Variants in DNM3 observed in about 807,000 individuals in gnomAD.
DNM3 encodes dynamin 3.
Under a neutral mutation model 101.6 loss-of-function variants are expected in DNM3, and 47 were observed. That is an observed-to-expected ratio of 0.46 (90% CI 0.37 to 0.59). The LOEUF is 0.59. Ranked by LOEUF, DNM3 falls within the 20% of genes least tolerant of loss-of-function variation. DNM3 has a pLI of 0.00. For missense variants in DNM3, 849 were observed against 1,085.7 expected (o/e 0.78, Z 3.06); for synonymous variants, 385 against 387.9 (o/e 0.99, Z 0.09).
chr1:172,149,258 A>T (rs1022610918), intron 14 of DNM3, among the ~76,000 whole-genome samples: 3 of 152,186 alleles, frequency 2.0e-5, no homozygotes, highest in Non-Finnish European at 4.4e-5. Context: ...CCTCAAATCA[A>T]TTGAGAAAGA....
chr1:171,881,937 A>C (rs1178498118), intron 1 of DNM3, among the ~76,000 whole-genome samples: 2 of 152,196 alleles, frequency 1.3e-5, no homozygotes, highest in Non-Finnish European at 2.9e-5. Flanking sequence ...AAAATAGTAC[A>C]TTTACAATAA....
intron 14 of DNM3, among the ~76,000 whole-genome samples, chr1:172,156,027 C>T (rs569354681): frequency 1.3e-5 from 2 of 152,104 alleles, no homozygotes; most frequent in East Asian, 3.9e-4. Context: ...TCATTTGTGG[C>T]TTTTTTCATC....
At chr1:172,021,232 A>G (rs1368908348) in intron 4 of DNM3, among the ~76,000 whole-genome samples, 2 of 152,222 alleles carry the variant, frequency 1.3e-5, no homozygotes, top group African/African-American at 2.4e-5. Context: ...ATACTTTGGG[A>G]GGCCAAGGCA....
intron 17 of DNM3, among the ~76,000 whole-genome samples, chr1:172,346,095 C>T (rs2066919226): frequency 7.1e-6 from 1 of 140,352 alleles, no homozygotes; most frequent in Non-Finnish European, 1.5e-5. Context: ...TGCATTCCAG[C>T]CTGGGCGACA....
At chr1:172,053,924 C>T (rs2050386109) in intron 10 of DNM3, among the ~76,000 whole-genome samples, 1 of 152,040 alleles carries the variant, frequency 6.6e-6, no homozygotes. Flanking sequence ...TGAACATGAG[C>T]CATAGATAAG....
At chr1:171,954,617 G>A (rs535552296) in intron 2 of DNM3, among the ~76,000 whole-genome samples, 47 of 152,308 alleles carry the variant, frequency 3.1e-4, no homozygotes, top group African/African-American at 1.1e-3. Context: ...CCCTCTGTGG[G>A]CAGCGGCGTT....
At chr1:172,052,786 C>T (rs898989565) in intron 10 of DNM3, among the ~76,000 whole-genome samples, 2 of 152,150 alleles carry the variant, frequency 1.3e-5, no homozygotes, top group South Asian at 4.1e-4. Context: ...GTTTTATTCT[C>T]TTCTTACTAT....
chr1:171,849,185 A>T (rs1185493263), intron 1 of DNM3, among the ~76,000 whole-genome samples: 1 of 152,212 alleles, frequency 6.6e-6, no homozygotes, highest in African/African-American at 2.4e-5. Context: ...AGATTTCTCA[A>T]AAGTGAGTAT....
intron 20 of DNM3, among the ~76,000 whole-genome samples, chr1:172,395,231 C>A (rs1055611909): frequency 6.7e-6 from 1 of 148,412 alleles, no homozygotes; most frequent in East Asian, 2.0e-4. Context: ...AGTGCAGTGG[C>A]GTGGTCTCGG....
At chr1:171,977,163 A>C (rs557534069) in intron 2 of DNM3, among the ~76,000 whole-genome samples, 1 of 152,226 alleles carries the variant, frequency 6.6e-6, no homozygotes, top group Admixed American at 6.5e-5. Flanking sequence ...TGATATTTTC[A>C]GTTTCTAAAC....
At chr1:172,002,421 A>G (rs1035678273) in intron 4 of DNM3, among the ~76,000 whole-genome samples, 1 of 152,088 alleles carries the variant, frequency 6.6e-6, no homozygotes, top group African/African-American at 2.4e-5. Context: ...TACAAGTTCT[A>G]TCCAATTCAT....
intron 15 of DNM3, among the ~76,000 whole-genome samples, chr1:172,288,762 C>A (rs1343794203): frequency 2.6e-5 from 4 of 152,102 alleles, no homozygotes; most frequent in East Asian, 3.9e-4. Flanking sequence ...TAGGAGGGAA[C>A]TTTAGGGGAA....
At chr1:171,989,892 T>G (rs1403808821) in intron 4 of DNM3, among the ~76,000 whole-genome samples, 2 of 152,042 alleles carry the variant, frequency 1.3e-5, no homozygotes, top group East Asian at 3.9e-4. Flanking sequence ...AATTTCTTTG[T>G]TCTTTTTATC....
chr1:172,033,155 G>A lies in DNM3; in HGVS notation c.739G>A (p.Asp247Asn). ...CCAGAAGGACATAGATGGGAAGAAG[G>A]ACATAAAGGCAGCCATGCTGGCAGA... ...RSQKDIDGKK[D>N]IKAAMLAERK... The change falls in exon 6 of 21, where the codon GAC (aspartate) becomes AAC (asparagine). Residue 247 changes from aspartate to asparagine, a missense_variant. By Grantham distance (23) the Asp-to-Asn change is conservative. Coordinates refer to ENST00000627582, the MANE Select transcript of DNM3 (RefSeq NM_015569.5). The A allele has an allele frequency of 6.2e-7, 1 of 1,612,464 alleles. No individual in the cohort carries two copies.
intron 2 of DNM3, among the ~76,000 whole-genome samples, chr1:171,948,269 ATTGT>A (rs1165308161): frequency 6.6e-6 from 1 of 152,226 alleles, no homozygotes; most frequent in East Asian, 1.9e-4. Flanking sequence ...TGATTGGTAA[ATTGT>A]TTAAGACCTC....
chr1:172,307,291 T>C lies in DNM3; in HGVS notation c.1770-1437T>C, dbSNP rs555053563. ...ATGAAAAAATGCTCATCATCACTGA[T>C]CATCAGAGAAATGCAAATCAAAAAC... On this transcript the variant is annotated intron_variant, in intron 15 of 20. Transcript: ENST00000627582. Among the ~76,000 whole-genome samples the C allele has an allele frequency of 1.8e-4, 28 of 151,422 alleles. No homozygotes were observed. The East Asian group carries it at 4.2e-3, about 23-fold the overall frequency.
chr1:172,122,056 TA>T (rs1370338773), intron 13 of DNM3, among the ~76,000 whole-genome samples: 1 of 152,210 alleles, frequency 6.6e-6, no homozygotes, highest in Non-Finnish European at 1.5e-5. Context: ...CTGTGTTCAT[TA>T]TACATTAAAG....
chr1:172,096,621 A>G (rs1202599841), intron 13 of DNM3, among the ~76,000 whole-genome samples: 1 of 152,254 alleles, frequency 6.6e-6, no homozygotes, highest in Non-Finnish European at 1.5e-5. Context: ...AGAAAGGAGC[A>G]TAGTGAAAAA....
chr1:172,417,967 C>A (rs2071490228), intron 20 of DNM3, among the ~76,000 whole-genome samples: 1 of 152,140 alleles, frequency 6.6e-6, no homozygotes, highest in African/African-American at 2.4e-5. Flanking sequence ...TCCCAGTTCT[C>A]CTGAATAAGA....
Sources: gnomAD v4.1 joint callset for allele counts (sites outside exome capture counted in the v4.1 genomes callset) on GRCh38, gnomAD v4.1.1 for gene constraint, MANE v1.5 for transcripts, NCBI Gene and HGNC (gene_info 2026-07-23, HGNC 2026-07-21) for gene names.